The following STK39 variants were observed in gnomAD, a reference collection of about 807,000 sequenced individuals.
The protein encoded by STK39 is STE20/SPS1-related proline-alanine-rich protein kinase.
A neutral mutation model predicts 77.8 loss-of-function variants in STK39; 20 were observed. That is an observed-to-expected ratio of 0.26 (90% confidence interval 0.18 to 0.37). The LOEUF (loss-of-function observed/expected upper bound fraction) is 0.37, where lower values mean the gene tolerates loss of function less well. STK39 is among the 10% of genes least tolerant of loss of function. STK39 has a pLI of 1.00. For synonymous variants in STK39, 246 were observed against 234.1 expected, an observed-to-expected ratio of 1.05 and a Z score of -0.47; for missense variants, 479 against 656.5, an observed-to-expected ratio of 0.73 and a Z score of 2.95.
intron 1 of STK39, among the ~76,000 whole-genome samples, chr2:168,216,942 C>T (rs1459208268): frequency 6.6e-6 from 1 of 152,186 alleles, no homozygotes; most frequent in African/African-American, 2.4e-5. Context: ...AAAGCCAGCC[C>T]AGGAGCCCAG....
intron 16 of STK39, among the ~76,000 whole-genome samples, chr2:167,975,658 C>CA (rs1189519761): frequency 1.3e-5 from 2 of 152,140 alleles, no homozygotes; most frequent in Non-Finnish European, 2.9e-5. Flanking sequence ...TACTAAAACA[C>CA]AAAAAATCAG....
chr2:168,155,840 C>G (rs1688412912), intron 5 of STK39, among the ~76,000 whole-genome samples: 1 of 152,234 alleles, frequency 6.6e-6, no homozygotes, highest in Admixed American at 6.5e-5. Context: ...CAACTCTCAG[C>G]TATGCCTTAC....
chr2:168,105,165 C>T (rs1686937530), intron 10 of STK39, among the ~76,000 whole-genome samples: 1 of 152,182 alleles, frequency 6.6e-6, no homozygotes, highest in Non-Finnish European at 1.5e-5. Context: ...GTTGAATTTT[C>T]AAAGCACTTC....
At chr2:167,967,602 A>G (rs1559037363) in intron 16 of STK39, among the ~76,000 whole-genome samples, 2 of 152,162 alleles carry the variant, frequency 1.3e-5, no homozygotes, top group African/African-American at 4.8e-5. Context: ...AGTAACAGCC[A>G]CACGGAAAAG....
intron 14 of STK39, among the ~76,000 whole-genome samples, chr2:168,050,661 GA>G (rs755950920): frequency 3.9e-5 from 6 of 152,150 alleles, no homozygotes; most frequent in Non-Finnish European, 8.8e-5. Context: ...AAAAGGGAAG[GA>G]AACAGACTCT....
intron 17 of STK39, chr2:167,964,422 G>T (rs191047974): frequency 2.1e-5 from 9 of 428,202 alleles, no homozygotes; most frequent in Admixed American, 4.7e-5. Context: ...TTATATGGCC[G>T]CTCTTAGTCA....
rs567152346 is a variant in STK39 at position 167,961,201 on chromosome 2, G to A, written c.1563+3461C>T. Among the ~76,000 whole-genome samples the A allele has an allele frequency of 6.6e-5, 10 of 152,282 alleles. No homozygotes were observed. In the East Asian group the frequency reaches 1.9e-3, roughly 29 times the overall value. The stretch of plus-strand genomic sequence containing the variant: ...TTCAGGCTTGACTTTACCTGCACTT[G>A]GCAAAATGTTGCCTTAGTCATACAG... On this transcript the variant is annotated intron_variant, in intron 17 of 17. Coordinates refer to ENST00000355999, the MANE Select transcript of STK39 (RefSeq NM_013233.3).
At chr2:168,178,129 A>C (rs1344277717) in intron 2 of STK39, among the ~76,000 whole-genome samples, 2 of 152,230 alleles carry the variant, frequency 1.3e-5, no homozygotes, top group African/African-American at 4.8e-5. Flanking sequence ...TCTCCTAGAG[A>C]GCATTAAACT....
intron 1 of STK39, among the ~76,000 whole-genome samples, chr2:168,214,864 G>A (rs1689986936): frequency 6.6e-6 from 1 of 152,168 alleles, no homozygotes; most frequent in African/African-American, 2.4e-5. Flanking sequence ...CTCTACACTG[G>A]AAATCCAAAA....
At chr2:167,994,865 A>G (rs1031969215) in intron 16 of STK39, among the ~76,000 whole-genome samples, 2 of 152,148 alleles carry the variant, frequency 1.3e-5, no homozygotes, top group South Asian at 4.1e-4. Flanking sequence ...GGGCCCCAAC[A>G]AAGTTAAATC....
At chr2:167,958,936 A>G (rs1409409549) in intron 17 of STK39, among the ~76,000 whole-genome samples, 5 of 152,212 alleles carry the variant, frequency 3.3e-5, no homozygotes, top group African/African-American at 1.2e-4. Flanking sequence ...ACAATTCATT[A>G]TACAATGTCA....
intron 1 of STK39, among the ~76,000 whole-genome samples, chr2:168,219,416 T>C (rs1373485786): frequency 3.3e-5 from 5 of 152,132 alleles, no homozygotes; most frequent in Admixed American, 6.5e-5. Context: ...CTTCCTACCC[T>C]GGACGGAAGA....
chr2:168,123,547 T>C (rs1687462265), intron 10 of STK39, among the ~76,000 whole-genome samples: 2 of 152,056 alleles, frequency 1.3e-5, no homozygotes, highest in Admixed American at 1.3e-4. Context: ...TCTAACTTTT[T>C]TGTAAGTCTG....
chr2:168,017,598 C>G (rs945632468), intron 14 of STK39, among the ~76,000 whole-genome samples: 1 of 151,840 alleles, frequency 6.6e-6, no homozygotes, highest in African/African-American at 2.4e-5. Flanking sequence ...TCCCAAACTC[C>G]CGACCTCAGG....
intron 1 of STK39, among the ~76,000 whole-genome samples, chr2:168,215,606 C>CT (rs1394209696): frequency 6.6e-6 from 1 of 152,178 alleles, no homozygotes; most frequent in Non-Finnish European, 1.5e-5. Context: ...ACAGAGTTCT[C>CT]TGAGACTTTT....
In STK39 at chr2:168,113,882, G is replaced by C. The variant is rs185819876; in HGVS notation, c.1089+15659C>G. On this transcript the variant is annotated intron_variant, in intron 10 of 17. Coordinates refer to ENST00000355999, the MANE Select transcript of STK39 (RefSeq NM_013233.3). ...CTTGATAAGGTAAAGAGAAAAGCAG[G>C]AGAGACCCCATAGAAATAACATATC... Among the ~76,000 whole-genome samples, 186 of 152,286 alleles carry C rather than the reference G, an allele frequency of 1.2e-3. 1 individual carries two copies. Among genetic ancestry groups the C allele is most frequent in the Non-Finnish European group, 1.2e-3 (83 of 68,022 alleles).
intron 16 of STK39, among the ~76,000 whole-genome samples, chr2:167,980,233 G>C (rs959466543): frequency 6.6e-6 from 1 of 152,194 alleles, no homozygotes; most frequent in African/African-American, 2.4e-5. Context: ...TAAGCTTCAA[G>C]CTCTCTTTAC....
At chr2:168,129,687 A>G (rs778506799) in intron 9 of STK39, 23 bp downstream of exon 9, 1 of 1,614,074 alleles carries the variant, frequency 6.2e-7, no homozygotes, top group Non-Finnish European at 8.5e-7. Context: ...TAGCAGATTT[A>G]CTTGGGTTTT....
chr2:168,030,213 C>G (rs1321278206), intron 14 of STK39, among the ~76,000 whole-genome samples: 2 of 152,236 alleles, frequency 1.3e-5, no homozygotes, highest in East Asian at 3.9e-4. Context: ...GCACTCTAGC[C>G]TGTGTGACAG....
Sources: allele counts gnomAD v4.1 joint callset (sites outside exome capture counted in the v4.1 genomes callset), GRCh38; gene constraint gnomAD v4.1.1; transcripts MANE v1.5; gene names NCBI Gene and HGNC (gene_info 2026-07-23, HGNC 2026-07-21).